The following PTP4A2 variants were observed in gnomAD, a reference collection of about 807,000 sequenced individuals.
The protein encoded by PTP4A2 is protein tyrosine phosphatase type IVA 2.
Under a neutral mutation model 22.9 loss-of-function variants are expected in PTP4A2, and 2 were observed. That is an observed-to-expected ratio of 0.09 (90% CI 0.04 to 0.27). PTP4A2 has a LOEUF of 0.27. Among genes scored for constraint, PTP4A2 ranks in the 10% least tolerant of loss-of-function variants. The probability of loss-of-function intolerance (pLI) is 1.00; values close to 1 mark genes in which losing one functional copy is unlikely to be tolerated. For missense variants in PTP4A2, 103 were observed against 205.1 expected, an observed-to-expected ratio of 0.50 and a Z score of 3.04; for synonymous variants, 68 against 69.1, an observed-to-expected ratio of 0.98 and a Z score of 0.08.
chr1:31,926,980 G>T (rs1005780980), intron 1 of PTP4A2, among the ~76,000 whole-genome samples: 2 of 152,164 alleles, frequency 1.3e-5, no homozygotes, highest in African/African-American at 4.8e-5. Context: ...ATGAGGTGGG[G>T]ACAAGCTTAG....
chr1:31,922,795 G>T (rs936326325), intron 1 of PTP4A2, among the ~76,000 whole-genome samples: 7 of 151,842 alleles, frequency 4.6e-5, no homozygotes, highest in Non-Finnish European at 7.4e-5. Context: ...GCTAATTTTT[G>T]ATTTTCTGTA....
intron 1 of PTP4A2, among the ~76,000 whole-genome samples, chr1:31,930,401 T>G (rs1290986706): frequency 6.6e-6 from 1 of 152,198 alleles, no homozygotes; most frequent in Admixed American, 6.5e-5. Context: ...TTAACTCTTT[T>G]CATTTCCCCA....
Position 31,908,103 on chromosome 1 carries a change from C to A in PTP4A2, c.*749G>T, listed in dbSNP as rs1378395486. The stretch of plus-strand genomic sequence containing the variant: ...CCCTTTCATCAGTAAAGACTAAAAA[C>A]CACCTGGAAAATATATATATATATA... On this transcript the variant is annotated 3_prime_UTR_variant, in exon 6 of 6. Transcript: ENST00000647444. The A allele has an allele frequency of 1.7e-5, 1 of 60,322 alleles. No individual in the cohort carries two copies. Among genetic ancestry groups the A allele is most frequent in the Non-Finnish European group, 2.8e-5 (1 of 35,282 alleles). 3.7% of individuals were successfully genotyped at this position (60,322 alleles called of 1,614,324 possible).
Position 31,926,159 on chromosome 1 carries a change from T to C in PTP4A2, c.-593-6501A>G, listed in dbSNP as rs529433964. On this transcript the variant is annotated intron_variant, in intron 1 of 5. Coordinates refer to ENST00000647444, the MANE Select transcript of PTP4A2 (RefSeq NM_080391.4). The stretch of plus-strand genomic sequence containing the variant: ...TTAAAAAAAAAAAAAAATATATATA[T>C]ATATATATATTTATCTCTCCTATCA... 5.4e-3 allele frequency among the ~76,000 whole-genome samples: 789 copies of C among 145,616 alleles called. 11 individuals carry two copies. The highest frequency in any genetic ancestry group is 0.042 in the South Asian group (197 of 4,676).
chr1:31,930,471 A>T (rs917958641), intron 1 of PTP4A2, among the ~76,000 whole-genome samples: 1 of 152,190 alleles, frequency 6.6e-6, no homozygotes, highest in African/African-American at 2.4e-5. Flanking sequence ...CCCCAAAGAG[A>T]GTGAGGGAAA....
At chr1:31,921,010 C>A (rs1652126968) in intron 1 of PTP4A2, among the ~76,000 whole-genome samples, 1 of 152,078 alleles carries the variant, frequency 6.6e-6, no homozygotes, top group Non-Finnish European at 1.5e-5. Context: ...TATGTGTTGG[C>A]CCTCAATGAT....
chr1:31,918,034 G>C (rs1651944680), intron 2 of PTP4A2, among the ~76,000 whole-genome samples: 1 of 151,196 alleles, frequency 6.6e-6, no homozygotes, highest in South Asian at 2.1e-4. Flanking sequence ...CAGATCACAA[G>C]GTCAGGAGAT....
chr1:31,921,770 T>G (rs1456698296), intron 1 of PTP4A2: 1 of 152,164 alleles, frequency 6.6e-6, no homozygotes, highest in African/African-American at 2.4e-5. Flanking sequence ...GAAACTGAAA[T>G]ATATAGGTAA....
Position 31,919,097 on chromosome 1 carries a change from G to T in PTP4A2, c.-32C>A. The T allele has an allele frequency of 9.2e-7, 1 of 1,087,152 alleles. No individual in the cohort carries two copies. Among genetic ancestry groups the T allele is most frequent in the South Asian group, 1.3e-5 (1 of 76,040 alleles). 67.3% of individuals were successfully genotyped at this position (1,087,152 alleles called of 1,614,324 possible). A position where few individuals can be genotyped will look rare whatever the true frequency, so the allele number is the denominator to read the frequency against. On this transcript the variant is annotated 5_prime_UTR_variant, in exon 2 of 6. Transcript: ENST00000647444. ...AAATAAAAAGTGTGAGCGTGCGTGT[G>T]AGTGTGATGGGGAAAGTGAAAAAAA...
chr1:31,934,778 C>A (rs1404268958), intron 1 of PTP4A2, among the ~76,000 whole-genome samples: 1 of 152,114 alleles, frequency 6.6e-6, no homozygotes, highest in Non-Finnish European at 1.5e-5. Flanking sequence ...ATTTACTCTT[C>A]CTAGTGCTAC....
chr1:31,929,265 G>A (rs1043196122), intron 1 of PTP4A2, among the ~76,000 whole-genome samples: 5 of 152,116 alleles, frequency 3.3e-5, no homozygotes, highest in Admixed American at 1.3e-4. Flanking sequence ...GGCCAACGCC[G>A]ACTTTCTCTT....
Position 31,938,101 on chromosome 1 carries a change from C to T in PTP4A2, c.-708G>A. 6.6e-6 allele frequency: 1 copy of T among 151,598 alleles called. No individual in the cohort carries two copies. Among genetic ancestry groups the T allele is most frequent in the South Asian group, 1.8e-4 (1 of 5,612 alleles). 9.4% of individuals were successfully genotyped at this position (151,598 alleles called of 1,614,324 possible). A position where few individuals can be genotyped will look rare whatever the true frequency, so the allele number is the denominator to read the frequency against. ...GCGGCGGTAGCGGTGGCGGCGGCGG[C>T]GACGACTCCCCCCCAGCCTCGGCGC... On this transcript the variant is annotated 5_prime_UTR_variant, in exon 1 of 6. Transcript: ENST00000647444. The surrounding 1 kb of genome is among the most constrained non-coding windows in gnomAD (Gnocchi z 4.4).
intron 4 of PTP4A2, 38 bp downstream of exon 4, chr1:31,911,658 G>A (rs1651539133): frequency 2.0e-6 from 3 of 1,518,232 alleles, no homozygotes; most frequent in Non-Finnish European, 2.6e-6. Context: ...GCATGGTAAT[G>A]AATTCAGACA....
At chr1:31,916,942 T>C (rs933505213) in intron 2 of PTP4A2, among the ~76,000 whole-genome samples, 1 of 152,202 alleles carries the variant, frequency 6.6e-6, no homozygotes, top group Non-Finnish European at 1.5e-5. Context: ...ATGCTTTTTT[T>C]AAAGAAATAA....
chr1:31,938,047 TCTC>T lies in PTP4A2; in HGVS notation c.-657_-655del, dbSNP rs1048086456. ...GGTGGCGGGAGCGAGGAGGCGCCTC[TCTC>T]CTCAGTCACCTCGGCGGCGGCGGCG... On this transcript the variant is annotated 5_prime_UTR_variant, in exon 1 of 6. Coordinates refer to ENST00000647444, the MANE Select transcript of PTP4A2 (RefSeq NM_080391.4). The surrounding 1 kb of genome is among the most constrained non-coding windows in gnomAD (Gnocchi z 4.4). The T allele has an allele frequency of 6.7e-6, 1 of 149,996 alleles. No individual in the cohort carries two copies. The highest frequency in any genetic ancestry group is 1.4e-5 in the Non-Finnish European group (1 of 69,470). 9.3% of individuals were successfully genotyped at this position (149,996 alleles called of 1,614,324 possible).
At chr1:31,931,963 G>A in intron 1 of PTP4A2, among the ~76,000 whole-genome samples, 1 of 152,118 alleles carries the variant, frequency 6.6e-6, no homozygotes, top group South Asian at 2.1e-4. Context: ...ATCAACATTT[G>A]TATATAAATC....
chr1:31,935,619 C>T (rs1652900961), intron 1 of PTP4A2: 1 of 152,090 alleles, frequency 6.6e-6, no homozygotes, highest in South Asian at 2.1e-4. Flanking sequence ...TTCTTCTCAC[C>T]ACTGTAAATC....
intron 1 of PTP4A2, among the ~76,000 whole-genome samples, chr1:31,927,985 T>C (rs1652544737): frequency 6.6e-6 from 1 of 151,926 alleles, no homozygotes; most frequent in Non-Finnish European, 1.5e-5. Flanking sequence ...ACGCATCTTC[T>C]GATTAACTGG....
chr1:31,933,767 A>G (rs534990263), intron 1 of PTP4A2: 1 of 152,234 alleles, frequency 6.6e-6, no homozygotes, highest in African/African-American at 2.4e-5. Context: ...TCAATCTATA[A>G]ATAAATTTCC....
Sources: allele counts gnomAD v4.1 joint callset (sites outside exome capture counted in the v4.1 genomes callset), GRCh38; gene constraint gnomAD v4.1.1; non-coding constraint Gnocchi (gnomAD v3.1); transcripts MANE v1.5; gene names NCBI Gene and HGNC (gene_info 2026-07-23, HGNC 2026-07-21).